Variants in DNAH9 observed in about 807,000 individuals in gnomAD.
DNAH9 encodes dynein axonemal heavy chain 9.
DNAH9 carries 345 observed loss-of-function variants against 471.6 expected under a neutral mutation model. That is an observed-to-expected ratio of 0.73 (90% CI 0.67 to 0.80). The LOEUF (loss-of-function observed/expected upper bound fraction) is 0.80, where lower values mean the gene tolerates loss of function less well. DNAH9 is among the 30% of genes least tolerant of loss of function. DNAH9 has a pLI of 0.00. For synonymous variants in DNAH9, 2,093 were observed against 2,123.6 expected (o/e 0.99, Z 0.40); for missense variants, 5,407 against 5,609.2 (o/e 0.96, Z 1.15).
At chr17:11,681,923 A>G (rs1192513506) in intron 19 of DNAH9, among the ~76,000 whole-genome samples, 2 of 152,174 alleles carry the variant, frequency 1.3e-5, no homozygotes, top group Non-Finnish European at 2.9e-5. Context: ...TTTGTGCTCC[A>G]GATTCCTCAT....
rs143235589 is a variant in DNAH9 at position 11,947,349 on chromosome 17, G to A, written c.12843+4864G>A. On this transcript the variant is annotated intron_variant, in intron 67 of 68. Coordinates refer to ENST00000262442, the MANE Select transcript of DNAH9 (RefSeq NM_001372.4). ...AAGGGGCATATACTGACAACAGACT[G>A]CCCAGAAATTATCTCCCTATGTAGG... is the stretch of plus-strand genomic sequence containing the variant. 8.1e-4 allele frequency among the ~76,000 whole-genome samples: 123 copies of A among 152,290 alleles called. 1 individual carries two copies. The highest frequency in any genetic ancestry group is 2.9e-3 in the African/African-American group (120 of 41,562).
intron 19 of DNAH9, among the ~76,000 whole-genome samples, chr17:11,687,508 C>CA (rs1049000314): frequency 6.6e-6 from 1 of 152,084 alleles, no homozygotes. Context: ...CTTCCTTTTT[C>CA]ACTCCTTTTG....
chr17:11,698,182 T>TATTAATAATATATTATTATATTAATTATA (rs369729599), intron 22 of DNAH9, among the ~76,000 whole-genome samples: 1 of 120,350 alleles, frequency 8.3e-6, no homozygotes, highest in East Asian at 2.1e-4. Flanking sequence ...TAATATATTA[T>TATTAATAATATATTATTATATTAATTATA]TATATTAATA....
intron 48 of DNAH9, among the ~76,000 whole-genome samples, chr17:11,831,511 G>A (rs1970683606): frequency 6.6e-6 from 1 of 152,170 alleles, no homozygotes; most frequent in South Asian, 2.1e-4. Flanking sequence ...CAACATAGGG[G>A]ATCAATTTTC....
At chr17:11,606,145 A>T (rs563905059) in intron 1 of DNAH9, among the ~76,000 whole-genome samples, 4 of 152,010 alleles carry the variant, frequency 2.6e-5, no homozygotes, top group African/African-American at 7.2e-5. Flanking sequence ...CCCTTTACTG[A>T]TTGTTGTAAG....
At chr17:11,792,821 C>T (rs1346405194) in intron 41 of DNAH9, among the ~76,000 whole-genome samples, 1 of 152,210 alleles carries the variant, frequency 6.6e-6, no homozygotes, top group African/African-American at 2.4e-5. Context: ...GGAGTGGTTA[C>T]AATTCCAGGC....
intron 53 of DNAH9, among the ~76,000 whole-genome samples, chr17:11,877,734 C>A (rs1424171765): frequency 6.6e-6 from 1 of 152,078 alleles, no homozygotes; most frequent in African/African-American, 2.4e-5. Flanking sequence ...TCTTATAGAG[C>A]AAACTTTGTT....
intron 50 of DNAH9, among the ~76,000 whole-genome samples, chr17:11,858,676 C>T (rs1971710517): frequency 6.6e-6 from 1 of 152,182 alleles, no homozygotes; most frequent in African/African-American, 2.4e-5. Flanking sequence ...CTTATTGAGG[C>T]AGTTGACCTT....
intron 50 of DNAH9, among the ~76,000 whole-genome samples, chr17:11,868,093 T>C (rs945001352): frequency 1.3e-5 from 2 of 152,198 alleles, no homozygotes; most frequent in Admixed American, 1.3e-4. Context: ...CATAAATCTG[T>C]TGGACTCCCT....
At chr17:11,684,773 A>G (rs1315144280) in intron 19 of DNAH9, among the ~76,000 whole-genome samples, 1 of 152,216 alleles carries the variant, frequency 6.6e-6, no homozygotes, top group Admixed American at 6.5e-5. Flanking sequence ...CTACATGACA[A>G]CTAGAGAAAA....
intron 50 of DNAH9, among the ~76,000 whole-genome samples, chr17:11,856,556 A>G (rs994561457): frequency 1.1e-4 from 17 of 150,810 alleles, no homozygotes; most frequent in African/African-American, 4.2e-4. Context: ...AAAAAAAAAA[A>G]TTAGCCGGGC....
At chr17:11,836,820 G>T (rs1271496249) in intron 49 of DNAH9, among the ~76,000 whole-genome samples, 2 of 152,112 alleles carry the variant, frequency 1.3e-5, no homozygotes, top group Non-Finnish European at 2.9e-5. Context: ...ATCATTCCTT[G>T]CCAAGAAGAC....
intron 14 of DNAH9, among the ~76,000 whole-genome samples, chr17:11,657,865 A>G (rs2073682522): frequency 6.6e-6 from 1 of 152,020 alleles, no homozygotes; most frequent in Non-Finnish European, 1.5e-5. Context: ...AAAAATATAT[A>G]TGGTGGAAAA....
rs749449139 is a variant in DNAH9 at position 11,891,758 on chromosome 17, T to C, written c.11113-19T>C. 6.2e-7 allele frequency: 1 copy of C among 1,612,668 alleles called. No homozygotes were observed. The highest frequency in any genetic ancestry group is 8.5e-7 in the Non-Finnish European group (1 of 1,179,290). On this transcript the variant is annotated intron_variant, in intron 57 of 68. Transcript: ENST00000262442. ...AAGAGGGCTGTGTACCTTACCAGTTTCCTGTCTTCTGTCCCCAGGCCTTCA... is the reference window on the plus strand; with the variant it reads ...AAGAGGGCTGTGTACCTTACCAGTTCCCTGTCTTCTGTCCCCAGGCCTTCA...
At chr17:11,819,651 C>T (rs1170245306) in intron 45 of DNAH9, among the ~76,000 whole-genome samples, 2 of 152,168 alleles carry the variant, frequency 1.3e-5, no homozygotes, top group African/African-American at 4.8e-5. Flanking sequence ...AAGTCCCTGC[C>T]TCCTGATTTT....
intron 15 of DNAH9, among the ~76,000 whole-genome samples, chr17:11,666,581 A>T (rs1172417027): frequency 6.6e-6 from 1 of 152,216 alleles, no homozygotes; most frequent in Non-Finnish European, 1.5e-5. Context: ...GATCTGAAGC[A>T]CTATAGATAA....
intron 43 of DNAH9, among the ~76,000 whole-genome samples, chr17:11,803,117 C>G (rs540869588): frequency 6.6e-6 from 1 of 152,176 alleles, no homozygotes; most frequent in Non-Finnish European, 1.5e-5. Context: ...GTGCTATTGC[C>G]TTATTTCCTT....
intron 65 of DNAH9, among the ~76,000 whole-genome samples, chr17:11,935,410 C>G (rs1189090219): frequency 1.4e-5 from 2 of 147,750 alleles, no homozygotes; most frequent in African/African-American, 2.5e-5. Context: ...GAGTCTCACT[C>G]TGTCACCCAG....
chr17:11,935,603 T>C (rs113220055), intron 65 of DNAH9, among the ~76,000 whole-genome samples: 1 of 151,460 alleles, frequency 6.6e-6, no homozygotes, highest in East Asian at 2.0e-4. Flanking sequence ...CTCGAACTCC[T>C]GACCTCATGA....
Sources: gnomAD v4.1 joint callset for allele counts (sites outside exome capture counted in the v4.1 genomes callset) on GRCh38, gnomAD v4.1.1 for gene constraint, MANE v1.5 for transcripts, NCBI Gene and HGNC (gene_info 2026-07-23, HGNC 2026-07-21) for gene names.